The following BRI3 variants were observed in gnomAD, a reference collection of about 807,000 sequenced individuals.
BRI3 encodes the protein brain protein I3, also known as membrane protein BRI3.
A neutral mutation model predicts 12.8 loss-of-function variants in BRI3; 6 were observed. The ratio of observed to expected loss-of-function variants is 0.47; its 90% confidence interval spans 0.26 to 0.93. BRI3 has a LOEUF of 0.93. BRI3 is among the 40% of genes least tolerant of loss of function. The pLI, the probability that BRI3 is intolerant of heterozygous loss-of-function variation, is 0.15. For synonymous variants in BRI3, 91 were observed against 76.1 expected, an observed-to-expected ratio of 1.20 and a Z score of -1.02; for missense variants, 134 against 171.1, an observed-to-expected ratio of 0.78 and a Z score of 1.21.
At chr7:98,305,048 T>TC (rs1800594909), upstream of BRI3, among the ~76,000 whole-genome samples, 1 of 42,136 alleles carries the variant, frequency 2.4e-5, no homozygotes, top group African/African-American at 1.6e-4. Flanking sequence ...TTGTTTTTTG[T>TC]TTTTTTTTTT....
chr7:98,306,293 C>T, upstream of BRI3: 1 of 981,732 alleles, frequency 1.0e-6, no homozygotes, highest in Non-Finnish European at 1.6e-6. Flanking sequence ...GCAGACAGCA[C>T]TGTGAGCCGC....
chr7:98,289,613 TTG>T (rs1363920640), intron 2 of BRI3, among the ~76,000 whole-genome samples: 6 of 152,192 alleles, frequency 3.9e-5, no homozygotes, highest in Admixed American at 1.3e-4. Context: ...CCCCACCCTG[TTG>T]TGTTTTTCTG....
chr7:98,320,265 T>G, the BRI3 span: 1 of 1,609,982 alleles, frequency 6.2e-7, no homozygotes, highest in South Asian at 1.1e-5. Context: ...GTTGAGTTTC[T>G]TGTGGGTACT....
At chr7:98,285,071 AG>A (rs1246849388) in intron 2 of BRI3, among the ~76,000 whole-genome samples, 1 of 152,180 alleles carries the variant, frequency 6.6e-6, no homozygotes, top group Non-Finnish European at 1.5e-5. Flanking sequence ...GGCCTGCACC[AG>A]GCCCCCATGA....
chr7:98,294,128 G>GA, downstream of BRI3: 1 of 1,613,004 alleles, frequency 6.2e-7, no homozygotes. Context: ...GAAAGATAAA[G>GA]AAGTTTATGG....
At chr7:98,318,982 G>T in the BRI3 span, among the ~76,000 whole-genome samples, 1 of 151,714 alleles carries the variant, frequency 6.6e-6, no homozygotes, top group Non-Finnish European at 1.5e-5. Context: ...CTATGTTTTG[G>T]AGTTTCTGAA....
In BRI3 at chr7:98,307,869, C is replaced by T. The variant is rs776775180; in HGVS notation, n.499C>T. ...CAGTCCCGTTGCAACCGAAACTGAT[C>T]GCTGTAAACTGGGATCTTCGGAAGT... is the stretch of plus-strand genomic sequence containing the variant. On this transcript the variant is annotated non_coding_transcript_exon_variant, in exon 2 of 2. Coordinates refer to the BRI3 transcript ENST00000485422. 4.5e-5 allele frequency: 72 copies of T among 1,614,102 alleles called. No homozygotes were observed. Among genetic ancestry groups the T allele is most frequent in the South Asian group, 1.9e-4 (17 of 91,080 alleles).
downstream of BRI3, among the ~76,000 whole-genome samples, chr7:98,296,528 G>C (rs1195797409): frequency 6.6e-6 from 1 of 152,216 alleles, no homozygotes; most frequent in Non-Finnish European, 1.5e-5. Context: ...AGGAGGCTGA[G>C]GCAGGAGAAT....
intron 2 of BRI3, among the ~76,000 whole-genome samples, chr7:98,285,126 C>G (rs1799667840): frequency 6.6e-6 from 1 of 152,142 alleles, no homozygotes; most frequent in South Asian, 2.1e-4. Flanking sequence ...TGGGGGTGAC[C>G]AGAGAGAGAG....
intron 2 of BRI3, 178 bp downstream of exon 2, chr7:98,282,631 C>T: frequency 1.7e-6 from 1 of 601,710 alleles, no homozygotes; most frequent in Non-Finnish European, 3.0e-6. Context: ...GAGTGCGGGT[C>T]CGCTCACCCT....
intron 2 of BRI3, 96 bp downstream of exon 2, chr7:98,282,549 C>A: frequency 9.8e-7 from 1 of 1,017,984 alleles, no homozygotes; most frequent in Non-Finnish European, 1.5e-6. Flanking sequence ...GGGAGTGGGT[C>A]CGGCTTGACT....
chr7:98,292,348 A>C, downstream of BRI3: 1 of 381,376 alleles, frequency 2.6e-6, no homozygotes, highest in Non-Finnish European at 4.9e-6. Flanking sequence ...CAGCCTCCTG[A>C]GTGGCGCCCA....
chr7:98,289,217 C>G (rs1799815111), intron 2 of BRI3, among the ~76,000 whole-genome samples: 1 of 152,228 alleles, frequency 6.6e-6, no homozygotes, highest in Admixed American at 6.5e-5. Flanking sequence ...CTCGGCCTCC[C>G]AAAGTGCTGG....
At chr7:98,312,394 A>C (rs1800906559), downstream of BRI3, 3 of 972,448 alleles carry the variant, frequency 3.1e-6, no homozygotes, top group Non-Finnish European at 4.5e-6. Context: ...CCTGGGTTAA[A>C]CTCGGTGAGC....
intron 1 of BRI3, among the ~76,000 whole-genome samples, chr7:98,298,611 T>A (rs1800289279): frequency 6.6e-6 from 1 of 151,926 alleles, no homozygotes; most frequent in Admixed American, 6.6e-5. Context: ...AGACTCTGTC[T>A]CAAAACAAAA....
chr7:98,316,251 A>T, the BRI3 span, among the ~76,000 whole-genome samples: 3 of 151,900 alleles, frequency 2.0e-5, no homozygotes, highest in Non-Finnish European at 2.9e-5. Flanking sequence ...GCCATGTGGA[A>T]CTGTGAGTCC....
downstream of BRI3, among the ~76,000 whole-genome samples, chr7:98,310,864 T>G (rs1341816971): frequency 6.6e-6 from 1 of 152,014 alleles, no homozygotes; most frequent in Non-Finnish European, 1.5e-5. Context: ...TTTTGTATTT[T>G]TAGTAGAGAT....
intron 1 of BRI3, among the ~76,000 whole-genome samples, chr7:98,298,813 G>A (rs188944851): frequency 6.6e-6 from 1 of 152,206 alleles, no homozygotes; most frequent in Non-Finnish European, 1.5e-5. Flanking sequence ...CCTCAAGGGT[G>A]CCAGAGGCCC....
At chr7:98,285,223 G>A (rs952294980) in intron 2 of BRI3, among the ~76,000 whole-genome samples, 1 of 152,228 alleles carries the variant, frequency 6.6e-6, no homozygotes, top group African/African-American at 2.4e-5. Context: ...TCCAGGGTGC[G>A]GCTCAGTGGC....
Sources: allele counts gnomAD v4.1 joint callset (sites outside exome capture counted in the v4.1 genomes callset), GRCh38; gene constraint gnomAD v4.1.1; transcripts MANE v1.5; gene names NCBI Gene and HGNC (gene_info 2026-07-23, HGNC 2026-07-21).